The following INTS9 variants were observed in gnomAD, a reference collection of about 807,000 sequenced individuals.
INTS9 encodes the protein protein related to CPSF subunits of 74 kDa.
Under a neutral mutation model 79.7 loss-of-function variants are expected in INTS9, and 55 were observed. That is an observed-to-expected ratio of 0.69 (90% CI 0.56 to 0.86). The LOEUF (loss-of-function observed/expected upper bound fraction) is 0.86. INTS9 is among the 40% of genes least tolerant of loss of function. The pLI is 0.00. For synonymous variants in INTS9, 319 were observed against 325.2 expected (o/e 0.98, Z 0.20); for missense variants, 721 against 831.5 (o/e 0.87, Z 1.64).
In INTS9 at chr8:28,770,044, A is replaced by T. The variant is rs1194337383; in HGVS notation, c.1663-18T>A. 3 of 1,612,038 alleles carry T rather than the reference A, an allele frequency of 1.9e-6. No homozygotes were observed. The highest frequency in any genetic ancestry group is 2.5e-6 in the Non-Finnish European group (3 of 1,179,448). On this transcript the variant is annotated intron_variant, in intron 15 of 16. Transcript: ENST00000521022. ...GGAGGGGGCTAGAGCAGAAGGAAAG[A>T]GTGGCTTTCATGAGCTTCCTCTGAG...
At chr8:28,882,343 C>A (rs1171037904) in intron 1 of INTS9, among the ~76,000 whole-genome samples, 1 of 140,704 alleles carries the variant, frequency 7.1e-6, no homozygotes, top group Non-Finnish European at 1.6e-5. Context: ...GCAGGGTCCT[C>A]TGCCTAGGAA....
At chr8:28,832,433 A>G (rs960664399) in intron 6 of INTS9, among the ~76,000 whole-genome samples, 1 of 152,260 alleles carries the variant, frequency 6.6e-6, no homozygotes, top group African/African-American at 2.4e-5. Context: ...CACAGGAGAA[A>G]GTGTGCACAG....
At chr8:28,824,763 A>G (rs576442350) in intron 6 of INTS9, among the ~76,000 whole-genome samples, 6 of 152,210 alleles carry the variant, frequency 3.9e-5, no homozygotes, top group Non-Finnish European at 8.8e-5. Context: ...ACTAGGAAAT[A>G]ATGGAAAAAA....
Position 28,796,567 on chromosome 8 carries a change from A to C in INTS9, c.833T>G (p.Val278Gly). 6.2e-7 allele frequency: 1 copy of C among 1,612,558 alleles called. No homozygotes were observed. Reference sequence around the variant, plus strand: ...ACCTAGGTTGCTGCAGAACTCTCCCACCATTCCATCTGGGTTTGCAGTGGG... The same window carrying C: ...ACCTAGGTTGCTGCAGAACTCTCCCCCCATTCCATCTGGGTTTGCAGTGGG... Reference protein sequence around the residue: ...QIPTANPDGMVGEFCSNLALT... With the variant: ...QIPTANPDGMGGEFCSNLALT... Residue 278 changes from valine to glycine, a missense_variant, in exon 9 of 17, where the codon GTG (valine) becomes GGG (glycine). Val to Gly is a moderately radical substitution (Grantham distance 109). Coordinates refer to ENST00000521022, the MANE Select transcript of INTS9 (RefSeq NM_018250.4).
chr8:28,835,478 C>A, intron 5 of INTS9, 100 bp from the exon 6 acceptor site: 1 of 533,444 alleles, frequency 1.9e-6, no homozygotes, highest in Non-Finnish European at 3.2e-6. Flanking sequence ...CCCACCTCCC[C>A]CTACACCATT....
chr8:28,813,306 T>TG, intron 7 of INTS9, among the ~76,000 whole-genome samples, 186 bp downstream of exon 7: 1 of 152,168 alleles, frequency 6.6e-6, no homozygotes, highest in Non-Finnish European at 1.5e-5. Flanking sequence ...TGGCTGGTGA[T>TG]GGAGATGTGA....
rs200054003 is a variant in INTS9, at chr8:28,826,541, AC to A, written c.488+8750del. Among the ~76,000 whole-genome samples the A allele has an allele frequency of 1.8e-3, 281 of 152,070 alleles. 6 individuals are homozygous for A. The East Asian group carries it at 0.047, about 26-fold the overall frequency. ...GGCGCTTCTGCCATGGCTCCAAGTG[AC>A]CCCTACCCACAGGATTCACCCCCTT... On this transcript the variant is annotated intron_variant, in intron 6 of 16. Coordinates refer to ENST00000521022, the MANE Select transcript of INTS9 (RefSeq NM_018250.4).
At chr8:28,869,689 C>A (rs543430895) in intron 1 of INTS9, among the ~76,000 whole-genome samples, 1 of 152,308 alleles carries the variant, frequency 6.6e-6, no homozygotes, top group African/African-American at 2.4e-5. Flanking sequence ...CACTTTGTGT[C>A]TTGATTCCAT....
At chr8:28,821,002 T>C (rs951821908) in intron 6 of INTS9, among the ~76,000 whole-genome samples, 1 of 152,186 alleles carries the variant, frequency 6.6e-6, no homozygotes, top group African/African-American at 2.4e-5. Context: ...TGAGCATTAC[T>C]AACAACCAAA....
chr8:28,850,382 G>T, intron 2 of INTS9, 109 bp from the exon 3 acceptor site: 1 of 721,038 alleles, frequency 1.4e-6, no homozygotes, highest in Non-Finnish European at 2.3e-6. Flanking sequence ...AAAATTACTG[G>T]CAGTAGTTCT....
chr8:28,872,175 T>C (rs781358901), intron 1 of INTS9, among the ~76,000 whole-genome samples: 2 of 152,212 alleles, frequency 1.3e-5, no homozygotes, highest in Non-Finnish European at 2.9e-5. Context: ...GAGTTTAAAA[T>C]GTGCATGTAT....
intron 10 of INTS9, 119 bp downstream of exon 10, chr8:28,793,688 A>T: frequency 1.0e-6 from 1 of 987,874 alleles, no homozygotes; most frequent in Non-Finnish European, 1.4e-6. Context: ...CAGACAGAAA[A>T]ACAACAAAAT....
intron 4 of INTS9, among the ~76,000 whole-genome samples, chr8:28,841,560 ATT>A (rs1346328691): frequency 6.6e-6 from 1 of 152,180 alleles, no homozygotes; most frequent in African/African-American, 2.4e-5. Flanking sequence ...CCTCTGAGAA[ATT>A]TAACATCCAA....
intron 6 of INTS9, among the ~76,000 whole-genome samples, chr8:28,817,120 TG>T (rs1170993073): frequency 6.7e-6 from 1 of 150,238 alleles, no homozygotes. Flanking sequence ...TTCACTCTGA[TG>T]GTAGTTTCTT....
chr8:28,771,846 C>T lies in INTS9; in HGVS notation c.1564-766G>A, dbSNP rs558794974. Among the ~76,000 whole-genome samples the T allele has an allele frequency of 5.9e-5, 9 of 152,262 alleles. No homozygotes were observed. The South Asian group carries it at 1.9e-3, about 32-fold the overall frequency. ...CTCCCTGGGCAGCCATGCACTATTT[C>T]CAAGACGACTCTGAAGGAGTCTTTT... On this transcript the variant is annotated intron_variant, in intron 14 of 16. Transcript: ENST00000521022.
chr8:28,850,367 A>T, intron 2 of INTS9, 94 bp from the exon 3 acceptor site: 2 of 934,154 alleles, frequency 2.1e-6, no homozygotes, highest in East Asian at 2.6e-5. Flanking sequence ...AGTTAAGAAC[A>T]GTTTAAAATT....
intron 1 of INTS9, among the ~76,000 whole-genome samples, chr8:28,882,117 T>C (rs1267337835): frequency 6.8e-6 from 1 of 146,528 alleles, no homozygotes; most frequent in Non-Finnish European, 1.5e-5. Flanking sequence ...CTCAGAAAAA[T>C]TCTTCTGCCT....
At chr8:28,878,355 C>G (rs1809503127) in intron 1 of INTS9, among the ~76,000 whole-genome samples, 1 of 152,006 alleles carries the variant, frequency 6.6e-6, no homozygotes, top group Non-Finnish European at 1.5e-5. Flanking sequence ...CTCTGTTGCT[C>G]AGGCTGGAGT....
intron 6 of INTS9, among the ~76,000 whole-genome samples, chr8:28,821,723 G>A (rs1805841672): frequency 6.6e-6 from 1 of 151,680 alleles, no homozygotes; most frequent in African/African-American, 2.4e-5. Flanking sequence ...AATTTATTAA[G>A]CAATATATTA....
Sources: allele counts gnomAD v4.1 joint callset (sites outside exome capture counted in the v4.1 genomes callset), GRCh38; gene constraint gnomAD v4.1.1; transcripts MANE v1.5; gene names NCBI Gene and HGNC (gene_info 2026-07-23, HGNC 2026-07-21).